Variants in PRELID2 observed in about 807,000 individuals in gnomAD.
PRELID2 encodes the protein PRELI domain containing 2.
Under a neutral mutation model 28.4 loss-of-function variants are expected in PRELID2, and 25 were observed. That is an observed-to-expected ratio of 0.88 (90% CI 0.64 to 1.23). PRELID2 has a LOEUF of 1.23. Ranked by LOEUF, PRELID2 falls within the 50% of genes most tolerant of loss-of-function variation. PRELID2 has a pLI of 0.00. For missense variants in PRELID2, 201 were observed against 214.4 expected (o/e 0.94, Z 0.39); for synonymous variants, 76 against 71.6 (o/e 1.06, Z -0.31).
chr5:145,694,428 ATTT>A (rs560527745), intron 1 of PRELID2, among the ~76,000 whole-genome samples: 48 of 152,014 alleles, frequency 3.2e-4, no homozygotes, highest in Non-Finnish European at 6.0e-4. Context: ...AATGAAATTT[ATTT>A]TTCTTATGTG....
At chr5:145,727,021 A>G (rs1365795428) in intron 1 of PRELID2, among the ~76,000 whole-genome samples, 1 of 152,238 alleles carries the variant, frequency 6.6e-6, no homozygotes, top group Non-Finnish European at 1.5e-5. Context: ...CAGGGGGCCA[A>G]CGTGAGTATG....
At chr5:145,273,764 A>G in the PRELID2 span, among the ~76,000 whole-genome samples, 1 of 152,156 alleles carries the variant, frequency 6.6e-6, no homozygotes. Flanking sequence ...CTTTGGGAAC[A>G]AATATGGGAC....
At chr5:145,406,101 T>A in the PRELID2 span, among the ~76,000 whole-genome samples, 1 of 151,932 alleles carries the variant, frequency 6.6e-6, no homozygotes, top group Non-Finnish European at 1.5e-5. Context: ...TTATGAGCAA[T>A]CTAACCCTAT....
chr5:145,484,646 C>A (rs76075851), intron 1 of PRELID2, among the ~76,000 whole-genome samples: 1 of 152,190 alleles, frequency 6.6e-6, no homozygotes. Context: ...CCTTTCTTCA[C>A]TTCTAAAAGC....
In PRELID2 at chr5:145,740,897, G is replaced by C. The variant is rs139097628; in HGVS notation, n.70+24034C>G. On this transcript the variant is annotated intron_variant and non_coding_transcript_variant, in intron 1 of 2. Coordinates refer to the PRELID2 transcript ENST00000510259. ...AAATATATATGTACATATATTTATCGATAAATATATATGTACATATATTTA... is the reference window on the plus strand; with the variant it reads ...AAATATATATGTACATATATTTATCCATAAATATATATGTACATATATTTA... Among the ~76,000 whole-genome samples, 19 of 87,186 alleles carry C rather than the reference G, an allele frequency of 2.2e-4. 3 individuals carry two copies. In the East Asian group the frequency reaches 5.6e-3, roughly 26 times the overall value. The allele number at this position is 87,186 out of a possible 152,430, so 57.2% of individuals were successfully genotyped here. A position where few individuals can be genotyped will look rare whatever the true frequency, so the allele number is the denominator to read the frequency against.
At chr5:145,660,477 AC>A (rs1349047888) in intron 1 of PRELID2, among the ~76,000 whole-genome samples, 1 of 152,202 alleles carries the variant, frequency 6.6e-6, no homozygotes, top group Non-Finnish European at 1.5e-5. Flanking sequence ...ATTCAAGGAG[AC>A]AGCTTATTCC....
the PRELID2 span, among the ~76,000 whole-genome samples, chr5:145,315,603 G>T: frequency 2.0e-5 from 3 of 148,760 alleles, no homozygotes; most frequent in South Asian, 6.3e-4. Flanking sequence ...AATCATGCCA[G>T]TTGGATCTTT....
intron 4 of PRELID2, among the ~76,000 whole-genome samples, chr5:145,808,224 T>C (rs1297231426): frequency 1.3e-5 from 2 of 152,088 alleles, no homozygotes; most frequent in African/African-American, 2.4e-5. Flanking sequence ...TTAGAAATAA[T>C]TCCTAAGTCA....
intron 1 of PRELID2, among the ~76,000 whole-genome samples, chr5:145,493,220 C>G (rs1270271879): frequency 1.0e-5 from 1 of 95,688 alleles, no homozygotes; most frequent in African/African-American, 3.0e-5. Context: ...CATCTTGCTC[C>G]CAGATTGTCC....
intron 1 of PRELID2, among the ~76,000 whole-genome samples, chr5:145,600,420 GA>G (rs35455268): frequency 0.16 from 19,381 of 124,010 alleles, 1,815 homozygotes; most frequent in Non-Finnish European, 0.21. Flanking sequence ...CTCAGGGGGG[GA>G]AAAAAAAAAA....
the PRELID2 span, among the ~76,000 whole-genome samples, chr5:145,328,500 A>C: frequency 6.6e-6 from 1 of 152,094 alleles, no homozygotes; most frequent in Non-Finnish European, 1.5e-5. Context: ...GATGGTATCT[A>C]ATTGTGGTTT....
At chr5:145,470,406 C>A (rs1358702896), downstream of PRELID2, among the ~76,000 whole-genome samples, 2 of 152,150 alleles carry the variant, frequency 1.3e-5, no homozygotes, top group African/African-American at 4.8e-5. Context: ...GGCCCATCTA[C>A]TAAGTAATCG....
At chr5:145,669,960 C>T (rs1754673122) in intron 1 of PRELID2, among the ~76,000 whole-genome samples, 1 of 152,090 alleles carries the variant, frequency 6.6e-6, no homozygotes, top group Non-Finnish European at 1.5e-5. Flanking sequence ...CTACACTCAG[C>T]GTGAACTATT....
chr5:145,829,054 TTGTTGG>T (rs759833701), intron 1 of PRELID2, among the ~76,000 whole-genome samples: 4 of 148,928 alleles, frequency 2.7e-5, no homozygotes, highest in Admixed American at 6.7e-5. Context: ...GGTTTTGTTG[TTGTTGG>T]TGGTGGTGGT....
At chr5:145,401,435 T>A in the PRELID2 span, among the ~76,000 whole-genome samples, 2 of 152,136 alleles carry the variant, frequency 1.3e-5, no homozygotes, top group Non-Finnish European at 2.9e-5. Flanking sequence ...GTTCAAATAA[T>A]AATTTCAATT....
the PRELID2 span, among the ~76,000 whole-genome samples, chr5:145,324,014 T>C: frequency 6.6e-6 from 1 of 152,322 alleles, no homozygotes; most frequent in African/African-American, 2.4e-5. Context: ...GGTAATTCTA[T>C]TTGAACTTCT....
chr5:145,534,517 G>T (rs1752682969), intron 1 of PRELID2, among the ~76,000 whole-genome samples: 2 of 151,932 alleles, frequency 1.3e-5, no homozygotes, highest in East Asian at 3.9e-4. Context: ...AAAAACTGGT[G>T]CAACTAAAAA....
chr5:145,545,762 C>T lies in PRELID2; in HGVS notation n.71-72447G>A, dbSNP rs868302834. ...TTTAGGTTCAGAAGCTACTCTGGTT[C>T]TCACGTCAAATGAGATACTTTCTCC... On this transcript the variant is annotated intron_variant and non_coding_transcript_variant, in intron 1 of 2. Coordinates refer to the PRELID2 transcript ENST00000510259. Among the ~76,000 whole-genome samples, 49 of 152,282 alleles carry T rather than the reference C, an allele frequency of 3.2e-4. No individual in the cohort carries two copies. The South Asian group carries it at 7.5e-3, about 23-fold the overall frequency.
chr5:145,736,739 A>G (rs2149731842), intron 1 of PRELID2, among the ~76,000 whole-genome samples: 2 of 152,320 alleles, frequency 1.3e-5, no homozygotes, highest in South Asian at 4.1e-4. Context: ...CAATAAATAG[A>G]TGAAAAACTC....
Sources: gnomAD v4.1 joint callset for allele counts (sites outside exome capture counted in the v4.1 genomes callset) on GRCh38, gnomAD v4.1.1 for gene constraint, MANE v1.5 for transcripts, NCBI Gene and HGNC (gene_info 2026-07-23, HGNC 2026-07-21) for gene names.